Variants in TRPM3 observed in about 807,000 individuals in gnomAD.
TRPM3 encodes transient receptor potential cation channel subfamily M member 3.
A neutral mutation model predicts 181.2 loss-of-function variants in TRPM3; 77 were observed. The observed-to-expected ratio is 0.42, with a 90% CI of 0.35 to 0.51. The LOEUF (loss-of-function observed/expected upper bound fraction) is 0.51. Ranked by LOEUF, TRPM3 falls within the 20% of genes least tolerant of loss-of-function variation. TRPM3 has a pLI of 0.01. For missense variants in TRPM3, 1,759 were observed against 2,196.7 expected, an observed-to-expected ratio of 0.80 and a Z score of 3.98; for synonymous variants, 745 against 796.4, an observed-to-expected ratio of 0.94 and a Z score of 1.09.
chr9:71,271,008 A>C (rs1178463536), intron 1 of TRPM3, among the ~76,000 whole-genome samples: 1 of 152,156 alleles, frequency 6.6e-6, no homozygotes, highest in African/African-American at 2.4e-5. Context: ...CAAGAAACCT[A>C]CCCAAATAAG....
At chr9:70,905,616 A>G (rs1332618860) in intron 1 of TRPM3, among the ~76,000 whole-genome samples, 1 of 152,230 alleles carries the variant, frequency 6.6e-6, no homozygotes, top group Non-Finnish European at 1.5e-5. Flanking sequence ...AAGCATCAAC[A>G]TTTTAGAAAT....
intron 6 of TRPM3, among the ~76,000 whole-genome samples, chr9:70,800,284 G>C (rs567342713): frequency 6.6e-6 from 1 of 152,278 alleles, no homozygotes; most frequent in East Asian, 1.9e-4. Flanking sequence ...AGTCCACTGG[G>C]CCAGTTGAAT....
At chr9:70,983,422 ATCAAAC>A (rs1431215903) in intron 1 of TRPM3, among the ~76,000 whole-genome samples, 4 of 152,160 alleles carry the variant, frequency 2.6e-5, no homozygotes, top group African/African-American at 9.7e-5. Flanking sequence ...CTTCAAAGGC[ATCAAAC>A]TCATTCTATT....
At chr9:71,061,562 T>G (rs970415550) in intron 1 of TRPM3, among the ~76,000 whole-genome samples, 1 of 152,100 alleles carries the variant, frequency 6.6e-6, no homozygotes, top group African/African-American at 2.4e-5. Flanking sequence ...GCATTCCTCC[T>G]GGGAGTCTGG....
At chr9:71,221,907 G>A (rs1212766547) in intron 1 of TRPM3, among the ~76,000 whole-genome samples, 1 of 152,228 alleles carries the variant, frequency 6.6e-6, no homozygotes, top group Non-Finnish European at 1.5e-5. Context: ...GAGCTGCAAT[G>A]AGTGAATGTG....
intron 1 of TRPM3, among the ~76,000 whole-genome samples, chr9:71,342,784 C>T (rs1385460667): frequency 1.3e-5 from 2 of 152,060 alleles, no homozygotes; most frequent in African/African-American, 4.8e-5. Context: ...CAGCTTCATT[C>T]ATAGTTGTAA....
intron 3 of TRPM3, among the ~76,000 whole-genome samples, chr9:70,848,944 T>C (rs1225096273): frequency 9.4e-5 from 2 of 21,196 alleles, no homozygotes; most frequent in Non-Finnish European, 1.8e-4. Flanking sequence ...GCCACTGCAC[T>C]CCAGCCTGGG....
chr9:70,653,677 C>CA (rs71507003), intron 9 of TRPM3, among the ~76,000 whole-genome samples: 2,072 of 102,770 alleles, frequency 0.02, 29 homozygotes, highest in African/African-American at 0.036. Context: ...CTTCCTGTCT[C>CA]AAAAAAAAAA....
intron 1 of TRPM3, among the ~76,000 whole-genome samples, chr9:71,316,686 G>T (rs1434683473): frequency 6.6e-6 from 1 of 152,120 alleles, no homozygotes; most frequent in African/African-American, 2.4e-5. Flanking sequence ...CCCAGAGCCT[G>T]CAGAAGGGAA....
At chr9:70,781,871 A>G (rs1452630407) in intron 7 of TRPM3, among the ~76,000 whole-genome samples, 1 of 152,136 alleles carries the variant, frequency 6.6e-6, no homozygotes, top group Non-Finnish European at 1.5e-5. Context: ...AACATTTTCA[A>G]GGTAGACAAT....
chr9:71,161,946 A>C, intron 1 of TRPM3, among the ~76,000 whole-genome samples: 1 of 152,130 alleles, frequency 6.6e-6, no homozygotes. Context: ...TCGTGCCTGT[A>C]ATTCCAAAAC....
At chr9:70,809,251 C>A (rs1048391658) in intron 6 of TRPM3, among the ~76,000 whole-genome samples, 1 of 152,076 alleles carries the variant, frequency 6.6e-6, no homozygotes, top group Non-Finnish European at 1.5e-5. Flanking sequence ...AAAAAAGTTA[C>A]AGTCAGCTAA....
chr9:70,814,925 C>CT, intron 6 of TRPM3, among the ~76,000 whole-genome samples: 1 of 136,590 alleles, frequency 7.3e-6, no homozygotes, highest in South Asian at 2.6e-4. Context: ...CCTTTTCTTT[C>CT]TTTTTTCGTT....
intron 1 of TRPM3, among the ~76,000 whole-genome samples, chr9:70,915,809 A>G (rs936954470): frequency 2.0e-5 from 3 of 152,202 alleles, no homozygotes; most frequent in Non-Finnish European, 4.4e-5. Flanking sequence ...GAGATGGGGT[A>G]GAAAGTTTAT....
At chr9:70,972,325 A>G (rs924623893) in intron 1 of TRPM3, among the ~76,000 whole-genome samples, 1 of 152,206 alleles carries the variant, frequency 6.6e-6, no homozygotes, top group African/African-American at 2.4e-5. Flanking sequence ...AAAGAGCGTA[A>G]TGTTTTCAAG....
intron 12 of TRPM3, among the ~76,000 whole-genome samples, chr9:70,634,951 G>A (rs138625866): frequency 3.3e-5 from 5 of 152,236 alleles, no homozygotes; most frequent in African/African-American, 1.2e-4. Flanking sequence ...AAAGCCAAGA[G>A]TTCCGCTACC....
At chr9:70,981,210 T>C (rs2097360601) in intron 1 of TRPM3, among the ~76,000 whole-genome samples, 2 of 152,188 alleles carry the variant, frequency 1.3e-5, no homozygotes, top group African/African-American at 4.8e-5. Context: ...TTTAGAGCCA[T>C]AATATATGAA....
chr9:71,039,202 C>A (rs931559047), intron 1 of TRPM3, among the ~76,000 whole-genome samples: 1 of 152,092 alleles, frequency 6.6e-6, no homozygotes, highest in Non-Finnish European at 1.5e-5. Context: ...CGGAACTGAA[C>A]CTTCCCTCTG....
intron 1 of TRPM3, among the ~76,000 whole-genome samples, chr9:71,179,222 G>T (rs948483655): frequency 4.6e-5 from 7 of 152,104 alleles, no homozygotes; most frequent in African/African-American, 1.7e-4. Context: ...ATGCATTACT[G>T]CTTCCAATAT....
Sources: gnomAD v4.1 joint callset for allele counts (sites outside exome capture counted in the v4.1 genomes callset) on GRCh38, gnomAD v4.1.1 for gene constraint, MANE v1.5 for transcripts, NCBI Gene and HGNC (gene_info 2026-07-23, HGNC 2026-07-21) for gene names.